ESRRB: variants seen among roughly 807,000 people sequenced by gnomAD.
The protein encoded by ESRRB is estrogen related receptor beta.
ESRRB carries 16 observed loss-of-function variants against 46.0 expected under a neutral mutation model. The ratio of observed to expected loss-of-function variants is 0.35; its 90% CI spans 0.24 to 0.53. The LOEUF (loss-of-function observed/expected upper bound fraction) is 0.53, where lower values mean the gene tolerates loss of function less well. Ranked by LOEUF, ESRRB falls within the 20% of genes least tolerant of loss-of-function variation. ESRRB has a pLI of 0.93. For missense variants in ESRRB, 488 were observed against 607.4 expected, an observed-to-expected ratio of 0.80 and a Z score of 2.07; for synonymous variants, 246 against 259.6, an observed-to-expected ratio of 0.95 and a Z score of 0.50.
intron 1 of ESRRB, among the ~76,000 whole-genome samples, chr14:76,417,506 G>A (rs1014562508): frequency 6.6e-5 from 10 of 152,204 alleles, no homozygotes; most frequent in African/African-American, 2.2e-4. Flanking sequence ...TGGATGTGGT[G>A]TTATTAATCA....
In ESRRB at chr14:76,476,076, T is replaced by A. The variant is rs1889571685; in HGVS notation, c.578-5940T>A. Among the ~76,000 whole-genome samples, 3 of 151,954 alleles carry A rather than the reference T, an allele frequency of 2.0e-5. No individual in the cohort carries two copies. The South Asian group carries it at 6.2e-4, about 31-fold the overall frequency. ...TCTTTAAGAGTGAAGTGGGTTTTTT[T>A]TTTTATTAATTTTTTTTTTAGATGG... is the stretch of plus-strand genomic sequence containing the variant. On this transcript the variant is annotated intron_variant, in intron 3 of 6. Coordinates refer to ENST00000644823, the MANE Select transcript of ESRRB (RefSeq NM_001379180.1).
At chr14:76,443,570 T>C (rs1888007404) in intron 2 of ESRRB, among the ~76,000 whole-genome samples, 1 of 152,242 alleles carries the variant, frequency 6.6e-6, no homozygotes, top group African/African-American at 2.4e-5. Context: ...TGGAAGGTTG[T>C]CTTGGAGAGG....
At position 76,500,844 on chromosome 14, in the gene ESRRB, G is replaced by GT. The variant is rs1890634856; in HGVS notation, c.*2388dup. On this transcript the variant is annotated 3_prime_UTR_variant, in exon 7 of 7. Coordinates refer to ENST00000644823, the MANE Select transcript of ESRRB (RefSeq NM_001379180.1). ...GCAGAGTGGGGCGGAAGTCCTGATG[G>GT]TTGGTGTCCATGAGGTGGAAGCTGC... 9.4e-7 allele frequency: 1 copy of GT among 1,061,594 alleles called. No individual in the cohort carries two copies. Among genetic ancestry groups the GT allele is most frequent in the African/African-American group, 1.6e-5 (1 of 64,384 alleles). The allele number at this position is 1,061,594 out of a possible 1,614,324, so 65.8% of individuals were successfully genotyped here. A position where few individuals can be genotyped will look rare whatever the true frequency, so the allele number is the denominator to read the frequency against.
intron 1 of ESRRB, among the ~76,000 whole-genome samples, chr14:76,423,898 G>C (rs113612136): frequency 0.01 from 1,592 of 152,170 alleles, 14 homozygotes; most frequent in Non-Finnish European, 0.015. Flanking sequence ...TGGGGGGAGA[G>C]TGGGCAGGAG....
intron 1 of ESRRB, among the ~76,000 whole-genome samples, chr14:76,431,517 G>A (rs1259477656): frequency 6.6e-6 from 1 of 152,196 alleles, no homozygotes; most frequent in Non-Finnish European, 1.5e-5. Flanking sequence ...CAAGCTCGGT[G>A]TCCCCTGGGG....
At chr14:76,437,739 C>T (rs911588523) in intron 1 of ESRRB, among the ~76,000 whole-genome samples, 2 of 152,134 alleles carry the variant, frequency 1.3e-5, no homozygotes, top group Middle Eastern at 3.2e-3. Flanking sequence ...AGCTGGGTTT[C>T]CCTGAACACA....
chr14:76,439,818 A>T, intron 2 of ESRRB, 68 bp downstream of exon 2: 2 of 1,546,070 alleles, frequency 1.3e-6, no homozygotes, highest in East Asian at 4.5e-5. Context: ...CGGGTCTGGC[A>T]GAAGCCCTAG....
chr14:76,375,087 G>C (rs1433377012), upstream of ESRRB, among the ~76,000 whole-genome samples: 1 of 152,020 alleles, frequency 6.6e-6, no homozygotes, highest in Non-Finnish European at 1.5e-5. Context: ...GTCTTCTGCA[G>C]AATATAGGAG....
chr14:76,316,580 CT>C (rs1301921120), intron 1 of ESRRB, among the ~76,000 whole-genome samples: 12 of 152,272 alleles, frequency 7.9e-5, no homozygotes, highest in Middle Eastern at 3.4e-3. Flanking sequence ...GAAGTTCTTT[CT>C]TCATGGGGCC....
chr14:76,486,932 A>C (rs1018655944), intron 5 of ESRRB, among the ~76,000 whole-genome samples: 1 of 152,250 alleles, frequency 6.6e-6, no homozygotes, highest in African/African-American at 2.4e-5. Flanking sequence ...ACTGAAGGGC[A>C]GGGAGGAGTG....
intron 1 of ESRRB, among the ~76,000 whole-genome samples, chr14:76,336,168 T>C (rs1188683326): frequency 1.3e-5 from 2 of 152,200 alleles, no homozygotes; most frequent in Non-Finnish European, 2.9e-5. Flanking sequence ...GCCTTTTAGT[T>C]GACAGGGAGC....
In ESRRB at chr14:76,455,333, G is replaced by A. The variant is rs116310366; in HGVS notation, c.461-7212G>A. Among the ~76,000 whole-genome samples, 1,036 of 152,144 alleles carry A rather than the reference G, an allele frequency of 6.8e-3. 10 individuals carry two copies. The highest frequency in any genetic ancestry group is 0.024 in the African/African-American group (998 of 41,472). ...AAAAAAAACTCTCTTCTATCATTTA[G>A]TAATATTGTGATCTTATAGCTATAT... On this transcript the variant is annotated intron_variant, in intron 2 of 6. Transcript: ENST00000644823.
chr14:76,442,796 T>C (rs1887972645), intron 2 of ESRRB, among the ~76,000 whole-genome samples: 1 of 151,260 alleles, frequency 6.6e-6, no homozygotes, highest in African/African-American at 2.4e-5. Flanking sequence ...TATAAATTTC[T>C]TTTTTCTTTT....
chr14:76,478,632 G>A (rs1007755002), intron 3 of ESRRB, among the ~76,000 whole-genome samples: 5 of 151,990 alleles, frequency 3.3e-5, no homozygotes, highest in Non-Finnish European at 7.4e-5. Flanking sequence ...AGTAAGTGGG[G>A]GCCCTTACTG....
chr14:76,451,264 C>A (rs1192689988), intron 2 of ESRRB, among the ~76,000 whole-genome samples: 7 of 152,110 alleles, frequency 4.6e-5, no homozygotes, highest in African/African-American at 9.7e-5. Flanking sequence ...GCTATTTAAC[C>A]AGGCTTAGAA....
intron 3 of ESRRB, among the ~76,000 whole-genome samples, chr14:76,468,270 A>G (rs1213857357): frequency 2.0e-5 from 3 of 152,160 alleles, no homozygotes; most frequent in Non-Finnish European, 4.4e-5. Flanking sequence ...TTTCCAAAAT[A>G]TATTAGTGTT....
At chr14:76,445,234 C>G (rs1392938282) in intron 2 of ESRRB, among the ~76,000 whole-genome samples, 2 of 150,244 alleles carry the variant, frequency 1.3e-5, no homozygotes, top group Non-Finnish European at 3.0e-5. Flanking sequence ...CTTTGGGAGG[C>G]CAAGGCAGGT....
chr14:76,382,074 G>A (rs1394814097), intron 1 of ESRRB, among the ~76,000 whole-genome samples: 1 of 152,114 alleles, frequency 6.6e-6, no homozygotes, highest in African/African-American at 2.4e-5. Context: ...TAAAGCCCCT[G>A]TTGTAGAGGA....
intron 1 of ESRRB, among the ~76,000 whole-genome samples, chr14:76,324,780 G>A (rs61981693): frequency 0.054 from 8,245 of 152,028 alleles, 311 homozygotes; most frequent in Middle Eastern, 0.15. Flanking sequence ...GTAAGAAATC[G>A]CCTCTTTCTC....
Sources: gnomAD v4.1 joint callset for allele counts (sites outside exome capture counted in the v4.1 genomes callset) on GRCh38, gnomAD v4.1.1 for gene constraint, MANE v1.5 for transcripts, NCBI Gene and HGNC (gene_info 2026-07-23, HGNC 2026-07-21) for gene names.